TNPO1: variants seen among roughly 807,000 people sequenced by gnomAD.
The protein encoded by TNPO1 is transportin 1.
TNPO1 carries 8 observed loss-of-function variants against 119.5 expected under a neutral mutation model. The ratio of observed to expected loss-of-function variants is 0.07; its 90% CI spans 0.04 to 0.12. The LOEUF is 0.12. TNPO1 is among the 10% of genes least tolerant of loss of function. The pLI is 1.00. For synonymous variants in TNPO1, 362 were observed against 363.0 expected, an observed-to-expected ratio of 1.00 and a Z score of 0.03; for missense variants, 576 against 1,089.8, an observed-to-expected ratio of 0.53 and a Z score of 6.64.
At position 72,894,399 on chromosome 5, in the gene TNPO1, C is replaced by T. The variant is rs560354801; in HGVS notation, c.2143+696C>T. The stretch of plus-strand genomic sequence containing the variant: ...ACAATTATTTTAATACAGCCGGGCA[C>T]GGCGGCTCAGACCTGTAATGCCAGC... On this transcript the variant is annotated intron_variant, in intron 18 of 24. Transcript: ENST00000337273. 1.1e-3 allele frequency among the ~76,000 whole-genome samples: 171 copies of T among 150,988 alleles called. 1 individual carries two copies. The highest frequency in any genetic ancestry group is 3.9e-3 in the African/African-American group (162 of 41,032).
chr5:72,872,744 C>G, intron 7 of TNPO1, 24 bp downstream of exon 7: 1 of 1,529,204 alleles, frequency 6.5e-7, no homozygotes, highest in Non-Finnish European at 8.9e-7. Context: ...TTGTCTCCCT[C>G]CCAACCCCCC....
chr5:72,907,515 C>T (rs1297859641), intron 24 of TNPO1, among the ~76,000 whole-genome samples: 1 of 152,156 alleles, frequency 6.6e-6, no homozygotes, highest in Non-Finnish European at 1.5e-5. Flanking sequence ...CATGAACGTT[C>T]ATAAATGGCC....
At chr5:72,849,237 A>G (rs974136148) in intron 2 of TNPO1, among the ~76,000 whole-genome samples, 3 of 152,154 alleles carry the variant, frequency 2.0e-5, no homozygotes, top group African/African-American at 7.2e-5. Context: ...TCCTGTTGCT[A>G]CGGTTTTAGA....
intron 11 of TNPO1, 104 bp downstream of exon 11, chr5:72,883,336 A>G (rs756668110): frequency 3.1e-6 from 2 of 651,264 alleles, no homozygotes; most frequent in South Asian, 1.8e-5. Context: ...TATACATTTC[A>G]TTGGTTTTTA....
Position 72,846,672 on chromosome 5 carries a change from T to A in TNPO1, c.16-1713T>A, listed in dbSNP as rs1278929039. ...TGGGGATTACTTTAGGAAGGGTTGATGGCTGGGATTGGACACAAAAGAAAC... is the reference window on the plus strand; with the variant it reads ...TGGGGATTACTTTAGGAAGGGTTGAAGGCTGGGATTGGACACAAAAGAAAC... On this transcript the variant is annotated intron_variant, in intron 1 of 24. Transcript: ENST00000337273. 3.3e-5 allele frequency among the ~76,000 whole-genome samples: 5 copies of A among 152,176 alleles called. No individual in the cohort carries two copies. The East Asian group carries it at 9.6e-4, about 29-fold the overall frequency.
chr5:72,906,500 C>T (rs1293704849), intron 24 of TNPO1, among the ~76,000 whole-genome samples: 2 of 151,854 alleles, frequency 1.3e-5, no homozygotes, highest in African/African-American at 2.4e-5. Context: ...CCATGTTGGC[C>T]GGGCTGGTCT....
chr5:72,832,875 A>G (rs903018280), intron 1 of TNPO1, among the ~76,000 whole-genome samples: 1 of 151,848 alleles, frequency 6.6e-6, no homozygotes, highest in Non-Finnish European at 1.5e-5. Context: ...GGTTTTCTCT[A>G]CTCTTCCCAC....
At chr5:72,888,339 A>C (rs201020388) in intron 13 of TNPO1, 36 bp downstream of exon 13, 1 of 1,574,118 alleles carries the variant, frequency 6.4e-7, no homozygotes, top group East Asian at 2.2e-5. Context: ...TCTTTGTGGC[A>C]GTGAAAAACT....
intron 2 of TNPO1, among the ~76,000 whole-genome samples, chr5:72,850,201 A>G (rs1278601344): frequency 1.3e-5 from 2 of 152,226 alleles, no homozygotes; most frequent in Non-Finnish European, 2.9e-5. Flanking sequence ...AAAGACCGCT[A>G]TAATAGGATA....
rs1750736531 is a variant in TNPO1, at chr5:72,914,146, A to AAT, written c.*5474_*5475dup. ...TCCTGCAACTTCTCAAACTGTACTA[A>AAT]ATTGATATTTCTTGAAGTCTAACTC... On this transcript the variant is annotated 3_prime_UTR_variant, in exon 25 of 25. Transcript: ENST00000337273. 6.6e-6 allele frequency: 1 copy of AAT among 152,594 alleles called. No individual in the cohort carries two copies. The highest frequency in any genetic ancestry group is 2.1e-4 in the South Asian group (1 of 4,832). 9.5% of individuals were successfully genotyped at this position (152,594 alleles called of 1,614,324 possible). A position where few individuals can be genotyped will look rare whatever the true frequency, so the allele number is the denominator to read the frequency against.
At chr5:72,858,005 T>C (rs988913087) in intron 4 of TNPO1, among the ~76,000 whole-genome samples, 9 of 152,228 alleles carry the variant, frequency 5.9e-5, no homozygotes, top group African/African-American at 2.2e-4. Flanking sequence ...TTGCTGTGTA[T>C]TAGTAGAATA....
intron 18 of TNPO1, 22 bp downstream of exon 18, chr5:72,893,725 A>G (rs1349667069): frequency 5.0e-6 from 8 of 1,600,004 alleles, no homozygotes; most frequent in Non-Finnish European, 6.8e-6. Flanking sequence ...TTCTACTGCT[A>G]TGAATATGGT....
At chr5:72,850,636 G>A (rs1177966757) in intron 2 of TNPO1, among the ~76,000 whole-genome samples, 1 of 152,156 alleles carries the variant, frequency 6.6e-6, no homozygotes, top group East Asian at 1.9e-4. Flanking sequence ...TGAAATACCT[G>A]CAAATTGGTA....
intron 18 of TNPO1, 105 bp from the exon 19 acceptor site, chr5:72,896,353 T>C (rs913333151): frequency 3.3e-6 from 2 of 607,354 alleles, no homozygotes; most frequent in Non-Finnish European, 5.3e-6. Flanking sequence ...ATGGTGAAAC[T>C]TGTTATTTCT....
intron 1 of TNPO1, among the ~76,000 whole-genome samples, chr5:72,819,816 T>C (rs967914324): frequency 1.3e-5 from 2 of 152,242 alleles, no homozygotes; most frequent in African/African-American, 4.8e-5. Flanking sequence ...TTGGGCAAGT[T>C]ATTTAATCTC....
intron 4 of TNPO1, among the ~76,000 whole-genome samples, chr5:72,858,230 AGTATG>A (rs143257710): frequency 0.12 from 17,933 of 152,218 alleles, 1,244 homozygotes; most frequent in Non-Finnish European, 0.16. Context: ...TGTGGGTAGA[AGTATG>A]GATGAAACAA....
At chr5:72,885,225 A>G (rs1407129328) in intron 11 of TNPO1, among the ~76,000 whole-genome samples, 1 of 152,238 alleles carries the variant, frequency 6.6e-6, no homozygotes, top group East Asian at 1.9e-4. Context: ...AGAGAGATAT[A>G]CCCAAGGTTA....
intron 1 of TNPO1, among the ~76,000 whole-genome samples, chr5:72,821,321 G>A (rs1291502068): frequency 6.6e-6 from 1 of 152,060 alleles, no homozygotes; most frequent in Non-Finnish European, 1.5e-5. Flanking sequence ...ATGCTAGGAA[G>A]GATAAGATTC....
chr5:72,830,661 A>C (rs548718699), intron 1 of TNPO1, among the ~76,000 whole-genome samples: 93 of 152,260 alleles, frequency 6.1e-4, no homozygotes, highest in Admixed American at 6.5e-5. Flanking sequence ...AGTTAACTGA[A>C]GATTATGTAT....
Sources: allele counts gnomAD v4.1 joint callset (sites outside exome capture counted in the v4.1 genomes callset), GRCh38; gene constraint gnomAD v4.1.1; transcripts MANE v1.5; gene names NCBI Gene and HGNC (gene_info 2026-07-23, HGNC 2026-07-21).